The following ATP6V1C1 variants were observed in gnomAD, a reference collection of about 807,000 sequenced individuals.
ATP6V1C1 encodes the protein V-type proton ATPase subunit C 1.
Under a neutral mutation model 53.9 loss-of-function variants are expected in ATP6V1C1, and 45 were observed. The observed-to-expected ratio is 0.83, with a 90% CI of 0.66 to 1.07. The LOEUF is 1.07. Among genes scored for constraint, ATP6V1C1 ranks in the 50% least tolerant of loss-of-function variants. ATP6V1C1 has a pLI of 0.00. For synonymous variants in ATP6V1C1, 153 were observed against 155.2 expected (o/e 0.99, Z 0.11); for missense variants, 315 against 440.3 (o/e 0.72, Z 2.55).
In ATP6V1C1 at chr8:103,062,475, G is replaced by GT. The variant is rs370379591; in HGVS notation, c.642-475dup. The stretch of plus-strand genomic sequence containing the variant: ...ATAAGCCACTGCACCCAGCCTGTCA[G>GT]TTTTTGATTGAGAGATGTCATGGGA... On this transcript the variant is annotated intron_variant, in intron 8 of 12. Transcript: ENST00000518738. Among the ~76,000 whole-genome samples, 46 of 152,214 alleles carry GT rather than the reference G, an allele frequency of 3.0e-4. 1 individual carries two copies. Among genetic ancestry groups the GT allele is most frequent in the African/African-American group, 9.6e-4 (40 of 41,538 alleles).
intron 1 of ATP6V1C1, among the ~76,000 whole-genome samples, chr8:103,038,542 T>G (rs1327002390): frequency 6.6e-6 from 1 of 152,240 alleles, no homozygotes; most frequent in South Asian, 2.1e-4. Context: ...GATAGAGAGA[T>G]ATGTACACAT....
rs1016241819 is a variant in ATP6V1C1, at chr8:103,071,185, A to G, written c.*2438A>G. On this transcript the variant is annotated 3_prime_UTR_variant, in exon 13 of 13. Coordinates refer to ENST00000518738, the MANE Select transcript of ATP6V1C1 (RefSeq NM_001695.5). ...TTGGTGGCGGTCACCATTCCTGGAA[A>G]GGGACTGTCCCAAGCCACTTACCTT... 1.3e-5 allele frequency: 2 copies of G among 152,218 alleles called. No individual in the cohort carries two copies. The highest frequency in any genetic ancestry group is 1.3e-4 in the Admixed American group (2 of 15,282). The allele number at this position is 152,218 out of a possible 1,614,324, so 9.4% of individuals were successfully genotyped here. A position where few individuals can be genotyped will look rare whatever the true frequency, so the allele number is the denominator to read the frequency against.
chr8:103,046,391 T>C (rs940656491), intron 3 of ATP6V1C1, among the ~76,000 whole-genome samples: 1 of 152,088 alleles, frequency 6.6e-6, no homozygotes, highest in Non-Finnish European at 1.5e-5. Context: ...ATTTTTATTT[T>C]TGTGGACATG....
chr8:103,072,872 C>T lies in ATP6V1C1; in HGVS notation c.*4125C>T, dbSNP rs1817608890. The stretch of plus-strand genomic sequence containing the variant: ...AAACTGAGGAGAAACAAGACAACAT[C>T]CTTCATACCAGGAATGGTCAAGATA... On this transcript the variant is annotated 3_prime_UTR_variant, in exon 13 of 13. Transcript: ENST00000518738. 6.6e-6 allele frequency: 1 copy of T among 152,204 alleles called. No individual in the cohort carries two copies. The highest frequency in any genetic ancestry group is 1.5e-5 in the Non-Finnish European group (1 of 68,044). 9.4% of individuals were successfully genotyped at this position (152,204 alleles called of 1,614,324 possible). A position where few individuals can be genotyped will look rare whatever the true frequency, so the allele number is the denominator to read the frequency against.
At chr8:103,034,274 G>T (rs1414757832) in intron 1 of ATP6V1C1, among the ~76,000 whole-genome samples, 2 of 152,106 alleles carry the variant, frequency 1.3e-5, no homozygotes, top group Admixed American at 6.6e-5. Context: ...CATCTCCTCT[G>T]TTTAGCATAT....
rs1450024847 is a variant in ATP6V1C1, at chr8:103,069,009, T to A, written c.*262T>A. On this transcript the variant is annotated 3_prime_UTR_variant, in exon 13 of 13. Transcript: ENST00000518738. ...TTTATTTATAAACAAAATAGTTTAT[T>A]TAAAGAGAAGGTCTCTTCCTTATTG... is the stretch of plus-strand genomic sequence containing the variant. 2 of 221,198 alleles carry A rather than the reference T, an allele frequency of 9.0e-6. No homozygotes were observed. Among genetic ancestry groups the A allele is most frequent in the African/African-American group, 4.6e-5 (2 of 43,892 alleles). 13.7% of individuals were successfully genotyped at this position (221,198 alleles called of 1,614,324 possible). A position where few individuals can be genotyped will look rare whatever the true frequency, so the allele number is the denominator to read the frequency against.
intron 3 of ATP6V1C1, among the ~76,000 whole-genome samples, chr8:103,046,548 T>G (rs1371709643): frequency 6.6e-6 from 1 of 152,116 alleles, no homozygotes; most frequent in Non-Finnish European, 1.5e-5. Context: ...TGAAAAGTAT[T>G]AAGGACAAAT....
chr8:103,053,185 T>G (rs527430221), intron 6 of ATP6V1C1, among the ~76,000 whole-genome samples: 72 of 152,140 alleles, frequency 4.7e-4, no homozygotes, highest in African/African-American at 1.7e-3. Context: ...AATAATCCTT[T>G]TATGATGTAA....
chr8:103,035,875 T>A (rs1816887854), intron 1 of ATP6V1C1, among the ~76,000 whole-genome samples: 2 of 152,144 alleles, frequency 1.3e-5, no homozygotes, highest in Admixed American at 1.3e-4. Context: ...TCGAATTTTG[T>A]GTGTGTGTCC....
intron 1 of ATP6V1C1, among the ~76,000 whole-genome samples, chr8:103,040,273 G>GT (rs1816973083): frequency 6.6e-6 from 1 of 152,042 alleles, no homozygotes; most frequent in African/African-American, 2.4e-5. Flanking sequence ...AATTAGCTGG[G>GT]TGTGATGGTG....
At chr8:103,043,877 G>A (rs1817047434) in intron 3 of ATP6V1C1, among the ~76,000 whole-genome samples, 1 of 151,954 alleles carries the variant, frequency 6.6e-6, no homozygotes, top group Non-Finnish European at 1.5e-5. Context: ...CCTGTTCTGT[G>A]AGTTGTCTTC....
chr8:103,054,634 C>A (rs193272865), intron 7 of ATP6V1C1, among the ~76,000 whole-genome samples: 1 of 152,084 alleles, frequency 6.6e-6, no homozygotes, highest in Admixed American at 6.6e-5. Flanking sequence ...AGGATTAGGC[C>A]TTCTATGTTA....
chr8:103,038,656 C>A (rs780426566), intron 1 of ATP6V1C1, among the ~76,000 whole-genome samples: 2 of 151,956 alleles, frequency 1.3e-5, no homozygotes, highest in African/African-American at 2.4e-5. Flanking sequence ...TAATGGAATA[C>A]CATATATCAA....
intron 1 of ATP6V1C1, among the ~76,000 whole-genome samples, chr8:103,022,875 C>T (rs1054341572): frequency 2.0e-5 from 3 of 151,926 alleles, no homozygotes; most frequent in Non-Finnish European, 2.9e-5. Context: ...ATAGTGAGAC[C>T]ACCGTCTCTA....
At chr8:103,056,288 C>T (rs1237133825) in intron 8 of ATP6V1C1, among the ~76,000 whole-genome samples, 41 of 152,174 alleles carry the variant, frequency 2.7e-4, no homozygotes, top group Admixed American at 2.7e-3. Flanking sequence ...TTATTGCATA[C>T]CTACTATGTG....
rs763735616 is a variant in ATP6V1C1 at position 103,048,902 on chromosome 8, A to AT, written c.234dup (p.Val79CysfsTer5). ...AAGAAAGTAGCTCAATACATGGCTG[A>AT]TGTATTGGAAGATAGCAAAGACAAA... On this transcript the variant is annotated frameshift_variant, in exon 4 of 13. Transcript: ENST00000518738. LOFTEE classifies it high-confidence loss of function. 1 of 1,613,420 alleles carries AT rather than the reference A, an allele frequency of 6.2e-7. No individual in the cohort carries two copies. Among genetic ancestry groups the AT allele is most frequent in the Non-Finnish European group, 8.5e-7 (1 of 1,179,672 alleles).
chr8:103,058,851 A>G (rs932928431), intron 8 of ATP6V1C1, among the ~76,000 whole-genome samples: 1 of 152,264 alleles, frequency 6.6e-6, no homozygotes, highest in Non-Finnish European at 1.5e-5. Context: ...TAAATGCAGC[A>G]ATGTGTATAA....
At chr8:103,053,856 A>C (rs1817243388) in intron 6 of ATP6V1C1, 28 bp from the exon 7 acceptor site, 2 of 1,509,912 alleles carry the variant, frequency 1.3e-6, no homozygotes, top group East Asian at 4.5e-5. Context: ...CATAATTATC[A>C]GCCTAATGAT....
At chr8:103,027,357 G>A (rs1325206415) in intron 1 of ATP6V1C1, among the ~76,000 whole-genome samples, 1 of 152,158 alleles carries the variant, frequency 6.6e-6, no homozygotes, top group East Asian at 1.9e-4. Flanking sequence ...TGAAAGCATT[G>A]AAATCAGTTA....
Sources: allele counts gnomAD v4.1 joint callset (sites outside exome capture counted in the v4.1 genomes callset), GRCh38; gene constraint gnomAD v4.1.1; transcripts MANE v1.5; gene names NCBI Gene and HGNC (gene_info 2026-07-23, HGNC 2026-07-21).